C18orf63: variants seen among roughly 807,000 people sequenced by gnomAD.
C18orf63 encodes chromosome 18 open reading frame 63, also known as uncharacterized protein C18orf63.
A neutral mutation model predicts 75.3 loss-of-function variants in C18orf63; 50 were observed. The observed-to-expected ratio is 0.66, with a 90% CI of 0.53 to 0.84. The LOEUF (loss-of-function observed/expected upper bound fraction) is 0.84, where lower values mean the gene tolerates loss of function less well. C18orf63 is among the 40% of genes least tolerant of loss of function. The probability of loss-of-function intolerance (pLI) is 0.00; values close to 1 mark genes in which losing one functional copy is unlikely to be tolerated. For missense variants in C18orf63, 732 were observed against 800.2 expected, an observed-to-expected ratio of 0.91 and a Z score of 1.03; for synonymous variants, 232 against 267.6, an observed-to-expected ratio of 0.87 and a Z score of 1.30.
intron 11 of C18orf63, among the ~76,000 whole-genome samples, chr18:74,344,268 C>CG (rs1174370075): frequency 6.6e-6 from 1 of 152,112 alleles, no homozygotes; most frequent in Non-Finnish European, 1.5e-5. Flanking sequence ...TTTGTCAGAA[C>CG]AAAGCTGTTG....
At chr18:74,341,681 T>A (rs1264978544) in intron 8 of C18orf63, among the ~76,000 whole-genome samples, 1 of 151,954 alleles carries the variant, frequency 6.6e-6, no homozygotes, top group Non-Finnish European at 1.5e-5. Context: ...AGCGAGACAC[T>A]GTCTCAAAAA....
chr18:74,316,541 G>A (rs1008701228), intron 1 of C18orf63, among the ~76,000 whole-genome samples: 2 of 152,198 alleles, frequency 1.3e-5, no homozygotes, highest in Non-Finnish European at 2.9e-5. Flanking sequence ...CGCTCCCAGA[G>A]TTTTGGTCCT....
chr18:74,322,135 A>T (rs1269644813), intron 3 of C18orf63, among the ~76,000 whole-genome samples: 5 of 152,212 alleles, frequency 3.3e-5, no homozygotes, highest in Non-Finnish European at 7.3e-5. Flanking sequence ...CTTGTAATAC[A>T]CTTTAAACTA....
intron 6 of C18orf63, among the ~76,000 whole-genome samples, chr18:74,329,373 C>CAA (rs5826314): frequency 3.0e-4 from 28 of 94,286 alleles, no homozygotes; most frequent in South Asian, 7.4e-4. Context: ...GACCCTATTT[C>CAA]AAAAAAAAAA....
Position 74,353,252 on chromosome 18 carries a change from A to G in C18orf63, c.985A>G (p.Lys329Glu), listed in dbSNP as rs1212452937. Residue 329 changes from lysine to glutamate, a missense_variant, in exon 12 of 14, where the codon AAA becomes GAA. By Grantham distance (56) the Lys-to-Glu change is moderately conservative. This residue lies in a region of C18orf63 where 495 missense variants were observed against 508.7 expected (regional missense o/e 0.97). Transcript: ENST00000579455. ...TAATCTCTATCCTTTTCAGGAACAC[A>G]AAGTCAAGCCACCCAATTTGACCAC... Reference protein sequence around the residue: ...ELTKPNIQEHKVKPPNLTTKK... With the variant: ...ELTKPNIQEHEVKPPNLTTKK... 12 of 1,532,588 alleles carry G rather than the reference A, an allele frequency of 7.8e-6. No homozygotes were observed. Among genetic ancestry groups the G allele is most frequent in the Non-Finnish European group, 1.0e-5 (12 of 1,144,340 alleles). 94.9% of individuals were successfully genotyped at this position (1,532,588 alleles called of 1,614,324 possible). A position where few individuals can be genotyped will look rare whatever the true frequency, so the allele number is the denominator to read the frequency against.
At chr18:74,344,073 C>T (rs1027991695) in intron 11 of C18orf63, among the ~76,000 whole-genome samples, 2 of 152,012 alleles carry the variant, frequency 1.3e-5, no homozygotes, top group Admixed American at 1.3e-4. Flanking sequence ...CTCACCAAAT[C>T]AAGTAAGTTG....
rs1428701879 is a variant in C18orf63 at position 74,357,745 on chromosome 18, C to T, written c.*1298C>T. 1 of 152,200 alleles carries T rather than the reference C, an allele frequency of 6.6e-6. No individual in the cohort carries two copies. Among genetic ancestry groups the T allele is most frequent in the Non-Finnish European group, 1.5e-5 (1 of 68,036 alleles). 9.4% of individuals were successfully genotyped at this position (152,200 alleles called of 1,614,324 possible). ...AAATTGTGTTTAGTTAATTAATTTG[C>T]TATATACCTTTATTGTAAGCATTTC... is the stretch of plus-strand genomic sequence containing the variant. On this transcript the variant is annotated 3_prime_UTR_variant, in exon 14 of 14. Coordinates refer to ENST00000579455, the MANE Select transcript of C18orf63 (RefSeq NM_001174123.2).
chr18:74,345,893 A>G (rs898882516), intron 11 of C18orf63, among the ~76,000 whole-genome samples: 3 of 151,982 alleles, frequency 2.0e-5, no homozygotes, highest in South Asian at 2.1e-4. Flanking sequence ...CATCTTATCT[A>G]TTGATCTGTG....
At chr18:74,355,326 A>G (rs1480063515) in intron 13 of C18orf63, among the ~76,000 whole-genome samples, 1 of 151,924 alleles carries the variant, frequency 6.6e-6, no homozygotes, top group Non-Finnish European at 1.5e-5. Context: ...ACATCTTAAT[A>G]TTTTAATGCA....
At chr18:74,345,983 C>CAT (rs1984568112) in intron 11 of C18orf63, among the ~76,000 whole-genome samples, 1 of 109,696 alleles carries the variant, frequency 9.1e-6, no homozygotes, top group Non-Finnish European at 1.9e-5. Flanking sequence ...CACATAGAGA[C>CAT]AGAGAGAGCA....
intron 7 of C18orf63, among the ~76,000 whole-genome samples, chr18:74,332,167 A>G (rs1984319135): frequency 6.6e-6 from 1 of 152,206 alleles, no homozygotes; most frequent in African/African-American, 2.4e-5. Context: ...TATTAAAGTT[A>G]TAGAGGCCAT....
At position 74,354,096 on chromosome 18, in the gene C18orf63, A is replaced by G. The variant is rs1413103285; in HGVS notation, c.1829A>G (p.Gln610Arg). Residue 610 changes from glutamine (Q) to arginine (R), a missense_variant, in exon 12 of 14, where the codon CAG (glutamine) becomes CGG (arginine). By Grantham distance (43) the Gln-to-Arg change is conservative (BLOSUM62 1). This residue lies in a region of C18orf63 where 495 missense variants were observed against 508.7 expected (regional missense o/e 0.97). Transcript: ENST00000579455. ...GAAACCGAAGATCCACGACTGCTAC[A>G]GCAGCAATCAGAAAATCAAGCTAAA... ...DGETEDPRLL[Q>R]QQSENQAKEV... 5.9e-6 allele frequency: 9 copies of G among 1,536,338 alleles called. No homozygotes were observed. Among genetic ancestry groups the G allele is most frequent in the Non-Finnish European group, 7.8e-6 (9 of 1,146,952 alleles).
At position 74,343,671 on chromosome 18, in the gene C18orf63, A is replaced by G. The variant is rs571221758; in HGVS notation, c.947A>G (p.Tyr316Cys). 478 of 1,530,698 alleles carry G rather than the reference A, an allele frequency of 3.1e-4. 3 individuals carry two copies. In the Middle Eastern group the frequency reaches 4.8e-3, roughly 15 times the overall value. 94.8% of individuals were successfully genotyped at this position (1,530,698 alleles called of 1,614,324 possible). ...PIKMTSKPCYYTQELTKPNIQ... is the reference protein window; with the variant it reads ...PIKMTSKPCYCTQELTKPNIQ... ...AAGATGACAAGTAAACCATGCTACT[A>G]CACACAAGAACTAACTAAACCTAAT... The change falls in exon 11 of 14, where the codon TAC (tyrosine) becomes TGC (cysteine). Residue 316 changes from tyrosine to cysteine, a missense_variant. Tyr to Cys is a radical substitution (Grantham distance 194, BLOSUM62 -2). This residue lies in a region of C18orf63 where 495 missense variants were observed against 508.7 expected (regional missense o/e 0.97). Transcript: ENST00000579455.
chr18:74,322,329 T>C (rs1984138232), intron 3 of C18orf63, among the ~76,000 whole-genome samples: 3 of 152,230 alleles, frequency 2.0e-5, no homozygotes. Context: ...TTCCTTTTAT[T>C]AATAAGTTGG....
chr18:74,348,008 T>C (rs546171056), intron 11 of C18orf63, among the ~76,000 whole-genome samples: 24 of 152,288 alleles, frequency 1.6e-4, no homozygotes, highest in African/African-American at 4.6e-4. Flanking sequence ...CCCTATGTTA[T>C]TATTATACCT....
At chr18:74,324,449 G>A (rs1018460223) in intron 4 of C18orf63, among the ~76,000 whole-genome samples, 5 of 152,012 alleles carry the variant, frequency 3.3e-5, no homozygotes, top group African/African-American at 1.2e-4. Context: ...TATGCCATAG[G>A]AACTTTTATT....
Position 74,344,579 on chromosome 18 carries a change from T to C in C18orf63, c.978+877T>C, listed in dbSNP as rs117330048. On this transcript the variant is annotated intron_variant, in intron 11 of 13. Coordinates refer to ENST00000579455, the MANE Select transcript of C18orf63 (RefSeq NM_001174123.2). ...AAAAGGTGACCACTACTATGGAAAT[T>C]ATTCCTTGTTTCGTTTTTATCAACT... Among the ~76,000 whole-genome samples, 462 of 152,204 alleles carry C rather than the reference T, an allele frequency of 3.0e-3. 11 individuals carry two copies. The East Asian group carries it at 0.045, about 15-fold the overall frequency.
chr18:74,341,262 C>G (rs1227294661), intron 8 of C18orf63, among the ~76,000 whole-genome samples: 1 of 91,412 alleles, frequency 1.1e-5, no homozygotes, highest in Non-Finnish European at 1.9e-5. Flanking sequence ...CAGAGCGAGA[C>G]TCCGTCTCAA....
intron 1 of C18orf63, among the ~76,000 whole-genome samples, chr18:74,316,740 C>T (rs921531291): frequency 6.6e-6 from 1 of 152,184 alleles, no homozygotes; most frequent in Non-Finnish European, 1.5e-5. Context: ...GCTTGGCCCA[C>T]GTTTTGAGCT....
Sources: allele counts gnomAD v4.1 joint callset (sites outside exome capture counted in the v4.1 genomes callset), GRCh38; gene constraint gnomAD v4.1.1; regional missense constraint gnomAD v4.1.1; transcripts MANE v1.5; gene names NCBI Gene and HGNC (gene_info 2026-07-23, HGNC 2026-07-21).